Variants in ARPP21 observed in about 807,000 individuals in gnomAD.
ARPP21 encodes the protein cAMP-regulated phosphoprotein 21.
ARPP21 carries 69 observed loss-of-function variants against 113.2 expected under a neutral mutation model. The observed-to-expected ratio is 0.61, with a 90% CI of 0.50 to 0.74. ARPP21 has a LOEUF of 0.74. Ranked by LOEUF, ARPP21 falls within the 30% of genes least tolerant of loss-of-function variation. The pLI is 0.00. For synonymous variants in ARPP21, 368 were observed against 375.5 expected, an observed-to-expected ratio of 0.98 and a Z score of 0.23; for missense variants, 1,070 against 1,037.4, an observed-to-expected ratio of 1.03 and a Z score of -0.43.
intron 4 of ARPP21, among the ~76,000 whole-genome samples, chr3:35,683,416 T>A (rs1210018036): frequency 6.6e-6 from 1 of 151,800 alleles, no homozygotes; most frequent in Non-Finnish European, 1.5e-5. Flanking sequence ...TTATCACTTT[T>A]TCCTCCTGAT....
At chr3:35,653,523 A>G (rs1267277357) in intron 1 of ARPP21, among the ~76,000 whole-genome samples, 1 of 152,026 alleles carries the variant, frequency 6.6e-6, no homozygotes, top group Non-Finnish European at 1.5e-5. Flanking sequence ...GTTGCCGTTT[A>G]TGGCACGAAT....
At chr3:35,741,949 T>A (rs1311539782) in intron 18 of ARPP21, among the ~76,000 whole-genome samples, 2 of 152,164 alleles carry the variant, frequency 1.3e-5, no homozygotes, top group Non-Finnish European at 2.9e-5. Flanking sequence ...TGGATTCAAG[T>A]AGCCAAATCT....
intron 19 of ARPP21, among the ~76,000 whole-genome samples, chr3:35,765,034 A>T (rs2095912023): frequency 6.6e-6 from 1 of 152,126 alleles, no homozygotes; most frequent in Non-Finnish European, 1.5e-5. Context: ...TGTACCTACT[A>T]TTGCTAAAGG....
At chr3:35,693,409 G>T (rs2149690180) in intron 9 of ARPP21, among the ~76,000 whole-genome samples, 1 of 151,616 alleles carries the variant, frequency 6.6e-6, no homozygotes, top group Admixed American at 6.6e-5. Flanking sequence ...GTATGGTGGT[G>T]GTTCATCCTC....
chr3:35,682,470 A>G, intron 3 of ARPP21: 1 of 182,524 alleles, frequency 5.5e-6, no homozygotes, highest in Non-Finnish European at 1.1e-5. Flanking sequence ...AGCAAACTGC[A>G]CTTACAAATA....
At chr3:35,672,064 T>C (rs2076458237) in intron 1 of ARPP21, among the ~76,000 whole-genome samples, 1 of 152,068 alleles carries the variant, frequency 6.6e-6, no homozygotes, top group Non-Finnish European at 1.5e-5. Flanking sequence ...AAAATTAGCT[T>C]TCAAGAAGAC....
Position 35,717,328 on chromosome 3 carries a change from T to A in ARPP21, c.966T>A (p.Asn322Lys), listed in dbSNP as rs781203478. 1 of 1,607,908 alleles carries A rather than the reference T, an allele frequency of 6.2e-7. No homozygotes were observed. Among genetic ancestry groups the A allele is most frequent in the Admixed American group, 1.7e-5 (1 of 59,984 alleles). Reference sequence around the variant, plus strand: ...TCTTGGAAGACAGTAACATATGCAATGAGACCTATAAGAAAAGACAGCTCT... The same window carrying A: ...TCTTGGAAGACAGTAACATATGCAAAGAGACCTATAAGAAAAGACAGCTCT... ...SRLLEDSNIC[N>K]ETYKKRQLFR... Residue 322 changes from asparagine (N) to lysine (K), a missense_variant, in exon 13 of 21, where the codon AAT (asparagine) becomes AAA (lysine). Asn to Lys is a moderately conservative substitution (Grantham distance 94). Coordinates refer to ENST00000684406, the MANE Select transcript of ARPP21 (RefSeq NM_001385562.1).
chr3:35,749,185 C>T (rs1454392941), intron 19 of ARPP21, among the ~76,000 whole-genome samples: 2 of 152,028 alleles, frequency 1.3e-5, no homozygotes, highest in South Asian at 2.1e-4. Flanking sequence ...AATATAAGAG[C>T]CTTGGTCTTC....
intron 9 of ARPP21, among the ~76,000 whole-genome samples, chr3:35,697,701 T>C (rs545240682): frequency 6.6e-5 from 10 of 151,804 alleles, no homozygotes; most frequent in Non-Finnish European, 8.9e-5. Flanking sequence ...TCTACTGTGC[T>C]TAGTTTTCTG....
intron 7 of ARPP21, among the ~76,000 whole-genome samples, 177 bp from the exon 8 acceptor site, chr3:35,689,904 A>T (rs3213954): frequency 0.12 from 18,254 of 151,666 alleles, 1,147 homozygotes; most frequent in African/African-American, 0.14. Context: ...AATGAAATAA[A>T]TTGTAATGAA....
At chr3:35,715,209 A>C in intron 11 of ARPP21, 1 of 457,210 alleles carries the variant, frequency 2.2e-6, no homozygotes, top group Non-Finnish European at 4.0e-6. Context: ...GAACAGACTA[A>C]ATCTAAAACC....
intron 1 of ARPP21, among the ~76,000 whole-genome samples, chr3:35,663,973 T>A (rs1257876916): frequency 6.6e-6 from 1 of 152,186 alleles, no homozygotes; most frequent in East Asian, 1.9e-4. Context: ...TTGGAAATTG[T>A]TGCAAATGAA....
rs1239982137 is a variant in ARPP21 at position 35,717,327 on chromosome 3, A to C, written c.965A>C (p.Asn322Thr). 1 of 1,607,808 alleles carries C rather than the reference A, an allele frequency of 6.2e-7. No individual in the cohort carries two copies. Among genetic ancestry groups the C allele is most frequent in the South Asian group, 1.1e-5 (1 of 90,918 alleles). ...SRLLEDSNIC[N>T]ETYKKRQLFR... ...CTCTTGGAAGACAGTAACATATGCA[A>C]TGAGACCTATAAGAAAAGACAGCTC... The change falls in exon 13 of 21, where the codon AAT becomes ACT. Residue 322 changes from asparagine to threonine, a missense_variant. Asn to Thr is a moderately conservative substitution (Grantham distance 65, BLOSUM62 0). Transcript: ENST00000684406.
chr3:35,666,644 T>C (rs1349702931), intron 1 of ARPP21, among the ~76,000 whole-genome samples: 2 of 151,816 alleles, frequency 1.3e-5, no homozygotes, highest in African/African-American at 2.4e-5. Flanking sequence ...TTATTAAATG[T>C]ACTTCTTCTT....
At chr3:35,730,012 A>G (rs1028258868) in intron 15 of ARPP21, among the ~76,000 whole-genome samples, 9 of 152,224 alleles carry the variant, frequency 5.9e-5, no homozygotes, top group Admixed American at 2.6e-4. Context: ...GTTGCTTTTT[A>G]ACCTTAGAAT....
At chr3:35,793,186 A>G (rs1559984746) in intron 20 of ARPP21, among the ~76,000 whole-genome samples, 1 of 152,210 alleles carries the variant, frequency 6.6e-6, no homozygotes, top group South Asian at 2.1e-4. Flanking sequence ...CATTGCATCA[A>G]CTTCTACCTC....
intron 19 of ARPP21, among the ~76,000 whole-genome samples, chr3:35,788,984 A>G (rs140058485): frequency 3.9e-5 from 6 of 152,348 alleles, no homozygotes; most frequent in African/African-American, 1.4e-4. Flanking sequence ...TAAATGACAC[A>G]TGTGACTTGA....
intron 19 of ARPP21, among the ~76,000 whole-genome samples, chr3:35,767,762 G>A (rs560363396): frequency 6.6e-6 from 1 of 152,030 alleles, no homozygotes; most frequent in African/African-American, 2.4e-5. Context: ...CTCCTTGATA[G>A]CCATTACTAA....
chr3:35,761,163 A>T (rs115227389), intron 19 of ARPP21, among the ~76,000 whole-genome samples: 161 of 152,200 alleles, frequency 1.1e-3, no homozygotes, highest in African/African-American at 3.8e-3. Context: ...TATACCACTG[A>T]GTTCAAATCG....
Sources: allele counts gnomAD v4.1 joint callset (sites outside exome capture counted in the v4.1 genomes callset), GRCh38; gene constraint gnomAD v4.1.1; transcripts MANE v1.5; gene names NCBI Gene and HGNC (gene_info 2026-07-23, HGNC 2026-07-21).